The following DDRGK1 variants were observed in gnomAD, a reference collection of about 807,000 sequenced individuals.
The protein encoded by DDRGK1 is DDRGK domain containing 1, also known as DDRGK domain-containing protein 1.
A neutral mutation model predicts 45.8 loss-of-function variants in DDRGK1; 38 were observed. The observed-to-expected ratio is 0.83, with a 90% confidence interval of 0.64 to 1.09. The LOEUF (loss-of-function observed/expected upper bound fraction) is 1.09. Among genes scored for constraint, DDRGK1 ranks in the 50% least tolerant of loss-of-function variants. The pLI is 0.00. For synonymous variants in DDRGK1, 171 were observed against 168.7 expected (o/e 1.01, Z -0.11); for missense variants, 403 against 419.9 (o/e 0.96, Z 0.35).
intron 4 of DDRGK1, among the ~76,000 whole-genome samples, chr20:3,196,613 A>G (rs533759302): frequency 1.5e-4 from 23 of 152,156 alleles, no homozygotes; most frequent in East Asian, 1.4e-3. Context: ...CCTGGGAGGC[A>G]GAGCTTGCAG....
chr20:3,195,486 C>T, intron 4 of DDRGK1, 133 bp from the exon 5 acceptor site: 2 of 1,294,676 alleles, frequency 1.5e-6, no homozygotes, highest in South Asian at 1.5e-5. Context: ...TCCTTCAGGA[C>T]CCCCATTTCT....
intron 6 of DDRGK1, 101 bp from the exon 7 acceptor site, chr20:3,191,922 G>A (rs2066991023): frequency 1.6e-6 from 2 of 1,253,244 alleles, no homozygotes; most frequent in Admixed American, 4.5e-5. Context: ...TCTGTTCTCG[G>A]TGGCTGGAAA....
At chr20:3,200,529 T>C (rs2067032271) in intron 2 of DDRGK1, 75 bp from the exon 3 acceptor site, 3 of 1,357,528 alleles carry the variant, frequency 2.2e-6, no homozygotes, top group Admixed American at 4.0e-5. Context: ...CAACCCCTCG[T>C]CCCTCCCCTA....
intron 2 of DDRGK1, among the ~76,000 whole-genome samples, chr20:3,200,931 A>G (rs2122239833): frequency 6.6e-6 from 1 of 152,316 alleles, no homozygotes; most frequent in East Asian, 1.9e-4. Flanking sequence ...TAACATGGTG[A>G]AACCTCATCT....
chr20:3,203,173 C>T (rs2067048482), intron 2 of DDRGK1, 40 bp downstream of exon 2: 6 of 1,488,466 alleles, frequency 4.0e-6, no homozygotes, highest in Non-Finnish European at 5.4e-6. Context: ...TCCCCCCCTC[C>T]AACCCAAACC....
intron 1 of DDRGK1, among the ~76,000 whole-genome samples, chr20:3,203,808 G>A (rs1227768325): frequency 6.6e-6 from 1 of 152,196 alleles, no homozygotes; most frequent in East Asian, 1.9e-4. Flanking sequence ...CGGTGGCCGA[G>A]CCTCCCCCGG....
rs1192446304 is a variant in DDRGK1, at chr20:3,190,502, C to T, written c.*151G>A. 3.0e-6 allele frequency: 3 copies of T among 1,000,912 alleles called. No homozygotes were observed. Among genetic ancestry groups the T allele is most frequent in the Non-Finnish European group, 4.4e-6 (3 of 682,926 alleles). 62.0% of individuals were successfully genotyped at this position (1,000,912 alleles called of 1,614,324 possible). A position where few individuals can be genotyped will look rare whatever the true frequency, so the allele number is the denominator to read the frequency against. ...GGATCCTAGGCCAGGCCTTCTGCCACACCAAGCCACACCAAGCTCAGCAGT... is the reference window on the plus strand; with the variant it reads ...GGATCCTAGGCCAGGCCTTCTGCCATACCAAGCCACACCAAGCTCAGCAGT... On this transcript the variant is annotated 3_prime_UTR_variant, in exon 9 of 9. Coordinates refer to ENST00000354488, the MANE Select transcript of DDRGK1 (RefSeq NM_023935.3).
chr20:3,193,673 GC>G (rs1228546530), intron 6 of DDRGK1, among the ~76,000 whole-genome samples: 3 of 152,168 alleles, frequency 2.0e-5, no homozygotes, highest in Admixed American at 2.0e-4. Flanking sequence ...GCCCGGACAA[GC>G]TGGAAAAACT....
rs757994086 is a variant in DDRGK1, at chr20:3,195,398, G to C, written c.511-45C>G. On this transcript the variant is annotated intron_variant, in intron 4 of 8. Coordinates refer to ENST00000354488, the MANE Select transcript of DDRGK1 (RefSeq NM_023935.3). ...AAGTCAGGTATCGGGGGCAGAACAG[G>C]GCAGGCACCTGTTCTGGTTGCTGCT... 3.2e-6 allele frequency: 5 copies of C among 1,545,490 alleles called. No homozygotes were observed. In the Middle Eastern group the frequency reaches 5.3e-4, roughly 163 times the overall value.
intron 4 of DDRGK1, among the ~76,000 whole-genome samples, chr20:3,198,700 C>CAAAAAA (rs151197280): frequency 1.2e-4 from 5 of 41,578 alleles, no homozygotes; most frequent in African/African-American, 2.1e-4. Flanking sequence ...AACTCCGTTT[C>CAAAAAA]AAAAAAAAAA....
At chr20:3,200,560 C>T (rs2067032575) in intron 2 of DDRGK1, 106 bp from the exon 3 acceptor site, 1 of 978,992 alleles carries the variant, frequency 1.0e-6, no homozygotes, top group Non-Finnish European at 1.5e-6. Context: ...CCCCTTCCAC[C>T]CACCTGCAAA....
intron 3 of DDRGK1, 97 bp from the exon 4 acceptor site, chr20:3,200,199 A>C: frequency 6.7e-7 from 1 of 1,491,158 alleles, no homozygotes; most frequent in Non-Finnish European, 9.1e-7. Flanking sequence ...GGGCCAGGGC[A>C]CAGACCCAGG....
Position 3,204,609 on chromosome 20 carries a change from AC to A in DDRGK1, c.18del (p.Trp6CysfsTer4). 6.3e-7 allele frequency: 1 copy of A among 1,590,378 alleles called. No homozygotes were observed. The highest frequency in any genetic ancestry group is 1.1e-5 in the South Asian group (1 of 88,474). On this transcript the variant is annotated frameshift_variant, in exon 1 of 9. Coordinates refer to ENST00000354488, the MANE Select transcript of DDRGK1 (RefSeq NM_023935.3). LOFTEE classifies it high-confidence loss of function. ...ACTAGCAGAGCCGCCGCTACCAAGT[AC>A]CACACAGGCGCCACCATGACGAGGG... MVAPV[W>X]YLVAAALLVG... is the part of the protein sequence containing the mutation.
intron 4 of DDRGK1, among the ~76,000 whole-genome samples, chr20:3,197,559 C>T (rs889105468): frequency 6.6e-6 from 1 of 152,132 alleles, no homozygotes; most frequent in African/African-American, 2.4e-5. Flanking sequence ...GATCCATAAC[C>T]CCAGTCTAAC....
intron 2 of DDRGK1, 53 bp from the exon 3 acceptor site, chr20:3,200,507 A>T (rs1274891899): frequency 6.7e-7 from 1 of 1,498,806 alleles, no homozygotes; most frequent in African/African-American, 1.4e-5. Context: ...AGGACTGATG[A>T]CGATGGATCC....
chr20:3,200,590 C>T (rs1317957023), intron 2 of DDRGK1, 136 bp from the exon 3 acceptor site: 1 of 726,864 alleles, frequency 1.4e-6, no homozygotes, highest in Non-Finnish European at 2.3e-6. Context: ...CCCAGCTCTG[C>T]CCTCCAGAGG....
intron 5 of DDRGK1, 140 bp from the exon 6 acceptor site, chr20:3,195,008 C>A (rs574215707): frequency 2.3e-6 from 3 of 1,332,846 alleles, no homozygotes; most frequent in South Asian, 2.7e-5. Context: ...CCTGCACATA[C>A]CGCTTGCCTA....
chr20:3,204,423 T>G, intron 1 of DDRGK1, 114 bp downstream of exon 1: 1 of 1,084,264 alleles, frequency 9.2e-7, no homozygotes, highest in Non-Finnish European at 1.3e-6. Context: ...CGGACGCGCA[T>G]GCGTCCCGCC....
rs1212190776 is a variant in DDRGK1 at position 3,194,834 on chromosome 20, A to T, written c.668T>A (p.Ile223Asn). The change falls in exon 6 of 9, where the codon ATC becomes AAC. Residue 223 changes from isoleucine to asparagine, a missense_variant. By Grantham distance (149) the Ile-to-Asn change is moderately radical (BLOSUM62 -3). Transcript: ENST00000354488. The stretch of plus-strand genomic sequence containing the variant: ...CTCTGTTCAGTGGCTTCTTACCTTG[A>T]TGTAGTTGATGAACTCTGTCAGGAA... Reference protein sequence around the residue: ...QSFLTEFINYIKQSKVVLLED... With the variant: ...QSFLTEFINYNKQSKVVLLED... 6.2e-7 allele frequency: 1 copy of T among 1,614,092 alleles called. No individual in the cohort carries two copies. The highest frequency in any genetic ancestry group is 2.2e-5 in the East Asian group (1 of 44,884).
Sources: allele counts gnomAD v4.1 joint callset (sites outside exome capture counted in the v4.1 genomes callset), GRCh38; gene constraint gnomAD v4.1.1; transcripts MANE v1.5; gene names NCBI Gene and HGNC (gene_info 2026-07-23, HGNC 2026-07-21).